The following ELP4 variants were observed in gnomAD, a reference collection of about 807,000 sequenced individuals.
The protein encoded by ELP4 is elongator acetyltransferase complex subunit 4, also known as elongator complex protein 4.
ELP4 carries 51 observed loss-of-function variants against 48.9 expected under a neutral mutation model. The ratio of observed to expected loss-of-function variants is 1.04; its 90% CI spans 0.83 to 1.32. The LOEUF is 1.32. Among genes scored for constraint, ELP4 ranks in the 40% most tolerant of loss-of-function variants. The probability of loss-of-function intolerance (pLI) is 0.00; values close to 1 mark genes in which losing one functional copy is unlikely to be tolerated. For synonymous variants in ELP4, 210 were observed against 189.2 expected (o/e 1.11, Z -0.90); for missense variants, 519 against 514.6 (o/e 1.01, Z -0.08).
At chr11:31,529,375 A>G (rs1475600777) in intron 2 of ELP4, among the ~76,000 whole-genome samples, 3 of 152,126 alleles carry the variant, frequency 2.0e-5, no homozygotes, top group Non-Finnish European at 4.4e-5. Flanking sequence ...ACTTCCTCAT[A>G]TCTCCACCAC....
At chr11:31,510,106 A>C in intron 1 of ELP4, 99 bp downstream of exon 1, 3 of 1,104,862 alleles carry the variant, frequency 2.7e-6, no homozygotes, top group Non-Finnish European at 3.9e-6. Flanking sequence ...TCTGACCCCT[A>C]AACCTTCGGA....
chr11:31,715,784 T>C (rs1222933218), intron 9 of ELP4, among the ~76,000 whole-genome samples: 6 of 152,190 alleles, frequency 3.9e-5, no homozygotes, highest in East Asian at 3.8e-4. Flanking sequence ...TCCTGCCTCA[T>C]TGGGTTGTTA....
chr11:31,673,244 T>C (rs960108330), intron 9 of ELP4, among the ~76,000 whole-genome samples: 7 of 152,168 alleles, frequency 4.6e-5, no homozygotes, highest in African/African-American at 1.7e-4. Context: ...CTCAAACTCC[T>C]GACCTCAGGT....
chr11:31,532,937 A>G (rs1956422508), intron 2 of ELP4, among the ~76,000 whole-genome samples: 2 of 151,542 alleles, frequency 1.3e-5, no homozygotes, highest in South Asian at 2.1e-4. Flanking sequence ...ACGCCTGGCT[A>G]ATTTTGTATT....
rs759391101 is a variant in ELP4, at chr11:31,789,912, C to CTTTTTTT, written c.*6405_*6411dup. ...CTGAATTAACACAATATTTCCTTTCCTTTTTTTTTTTTTTTTTTTTTTTAC... is the reference window on the plus strand; with the variant it reads ...CTGAATTAACACAATATTTCCTTTCCTTTTTTTTTTTTTTTTTTTTTTTTTTTTTTAC... On this transcript the variant is annotated 3_prime_UTR_variant, in exon 10 of 10. Coordinates refer to ENST00000640961, the MANE Select transcript of ELP4 (RefSeq NM_019040.5). 3.6e-4 allele frequency: 376 copies of CTTTTTTT among 1,046,004 alleles called. 1 individual carries two copies. Among genetic ancestry groups the CTTTTTTT allele is most frequent in the East Asian group, 1.3e-3 (49 of 38,784 alleles). 64.8% of individuals were successfully genotyped at this position (1,046,004 alleles called of 1,614,324 possible).
chr11:31,548,895 C>G (rs1314461336), intron 3 of ELP4, among the ~76,000 whole-genome samples: 1 of 152,056 alleles, frequency 6.6e-6, no homozygotes, highest in East Asian at 1.9e-4. Flanking sequence ...AAAGGATTTC[C>G]TATTTAATAA....
chr11:31,635,813 A>G (rs906764650), intron 7 of ELP4, among the ~76,000 whole-genome samples: 17 of 152,096 alleles, frequency 1.1e-4, no homozygotes, highest in African/African-American at 4.1e-4. Flanking sequence ...GCTACAAAAA[A>G]TAAGATATAA....
At chr11:31,679,796 C>T (rs1946019138) in intron 9 of ELP4, among the ~76,000 whole-genome samples, 2 of 152,114 alleles carry the variant, frequency 1.3e-5, no homozygotes, top group African/African-American at 2.4e-5. Flanking sequence ...GCTTTAGAGT[C>T]AGTTTGCCAA....
chr11:31,552,349 A>G (rs1230645456), intron 3 of ELP4, among the ~76,000 whole-genome samples: 1 of 152,108 alleles, frequency 6.6e-6, no homozygotes, highest in Non-Finnish European at 1.5e-5. Context: ...TTTATAATCT[A>G]CTTGGACCTA....
At chr11:31,514,917 C>T (rs1956079051) in intron 1 of ELP4, among the ~76,000 whole-genome samples, 1 of 151,318 alleles carries the variant, frequency 6.6e-6, no homozygotes, top group South Asian at 2.1e-4. Context: ...ATACCTTATA[C>T]AAAGGTATCT....
chr11:31,545,473 A>G (rs1565045302), intron 3 of ELP4, among the ~76,000 whole-genome samples: 1 of 152,094 alleles, frequency 6.6e-6, no homozygotes, highest in African/African-American at 2.4e-5. Flanking sequence ...TCCAAGAAAT[A>G]TGGGACTATG....
chr11:31,544,967 A>G (rs1956672759), intron 3 of ELP4, among the ~76,000 whole-genome samples: 1 of 152,198 alleles, frequency 6.6e-6, no homozygotes, highest in South Asian at 2.1e-4. Context: ...GAAAACTAAC[A>G]AACAGAAAGG....
intron 9 of ELP4, among the ~76,000 whole-genome samples, chr11:31,729,889 C>A (rs1051576167): frequency 6.6e-6 from 1 of 152,138 alleles, no homozygotes; most frequent in Non-Finnish European, 1.5e-5. Context: ...AATTTAGTGG[C>A]TATTAATCAG....
intron 5 of ELP4, among the ~76,000 whole-genome samples, chr11:31,614,815 A>G (rs1332718850): frequency 2.0e-5 from 3 of 152,228 alleles, no homozygotes; most frequent in Non-Finnish European, 4.4e-5. Context: ...CATCTGGACT[A>G]TAATCCTCAA....
At chr11:31,777,732 G>T (rs1252309062) in intron 9 of ELP4, among the ~76,000 whole-genome samples, 1 of 152,214 alleles carries the variant, frequency 6.6e-6, no homozygotes, top group African/African-American at 2.4e-5. Flanking sequence ...AAGAGCATCA[G>T]CCTTGCAGCC....
At chr11:31,657,859 A>T (rs1003952188) in intron 9 of ELP4, among the ~76,000 whole-genome samples, 22 of 151,794 alleles carry the variant, frequency 1.4e-4, no homozygotes, top group African/African-American at 3.6e-4. Context: ...TATTAATTTT[A>T]AAAAAAATAA....
intron 3 of ELP4, among the ~76,000 whole-genome samples, chr11:31,569,488 C>T (rs1478671181): frequency 6.6e-6 from 1 of 152,182 alleles, no homozygotes; most frequent in Non-Finnish European, 1.5e-5. Context: ...CGGTGTCTGA[C>T]ACCTGTAAAC....
chr11:31,789,912 C>CTTTTTTTTTT lies in ELP4; in HGVS notation c.*6402_*6411dup. ...CTGAATTAACACAATATTTCCTTTC[C>CTTTTTTTTTT]TTTTTTTTTTTTTTTTTTTTTTTAC... On this transcript the variant is annotated 3_prime_UTR_variant, in exon 10 of 10. Transcript: ENST00000640961. 33 of 1,045,952 alleles carry CTTTTTTTTTT rather than the reference C, an allele frequency of 3.2e-5. 1 individual carries two copies. The highest frequency in any genetic ancestry group is 1.4e-4 in the Admixed American group (6 of 43,874). 64.8% of individuals were successfully genotyped at this position (1,045,952 alleles called of 1,614,324 possible). A position where few individuals can be genotyped will look rare whatever the true frequency, so the allele number is the denominator to read the frequency against.
chr11:31,566,224 A>C (rs1268119298), intron 3 of ELP4, among the ~76,000 whole-genome samples: 2 of 152,074 alleles, frequency 1.3e-5, no homozygotes, highest in Non-Finnish European at 2.9e-5. Flanking sequence ...TGAGTGTGGC[A>C]GTATGCACCT....
Sources: allele counts gnomAD v4.1 joint callset (sites outside exome capture counted in the v4.1 genomes callset), GRCh38; gene constraint gnomAD v4.1.1; transcripts MANE v1.5; gene names NCBI Gene and HGNC (gene_info 2026-07-23, HGNC 2026-07-21).